The following SOX6 variants were observed in gnomAD, a reference collection of about 807,000 sequenced individuals.
SOX6 encodes transcription factor SOX-6.
Under a neutral mutation model 97.8 loss-of-function variants are expected in SOX6, and 11 were observed. The ratio of observed to expected loss-of-function variants is 0.11; its 90% confidence interval spans 0.07 to 0.19. The LOEUF (loss-of-function observed/expected upper bound fraction) is 0.19. Among genes scored for constraint, SOX6 ranks in the 10% least tolerant of loss-of-function variants. The pLI is 1.00. For synonymous variants in SOX6, 360 were observed against 371.4 expected, an observed-to-expected ratio of 0.97 and a Z score of 0.35; for missense variants, 810 against 1,039.5, an observed-to-expected ratio of 0.78 and a Z score of 3.04.
At chr11:16,708,265 C>T (rs1848152084) in intron 3 of SOX6, among the ~76,000 whole-genome samples, 1 of 152,060 alleles carries the variant, frequency 6.6e-6, no homozygotes. Context: ...GCAGAAAATT[C>T]AGATTTTTGC....
At chr11:16,119,334 C>T (rs866018552) in intron 6 of SOX6, among the ~76,000 whole-genome samples, 1 of 152,138 alleles carries the variant, frequency 6.6e-6, no homozygotes, top group Non-Finnish European at 1.5e-5. Flanking sequence ...AACAGAAACC[C>T]TTTTAGTCTC....
At chr11:16,612,613 A>C (rs1848412330) in intron 3 of SOX6, among the ~76,000 whole-genome samples, 2 of 152,084 alleles carry the variant, frequency 1.3e-5, no homozygotes, top group South Asian at 2.1e-4. Flanking sequence ...GATGGCGATG[A>C]AGAAAAGGAG....
intron 4 of SOX6, among the ~76,000 whole-genome samples, chr11:16,603,986 G>A (rs1427419503): frequency 6.6e-6 from 1 of 152,228 alleles, no homozygotes; most frequent in African/African-American, 2.4e-5. Context: ...CCTCGGGGAC[G>A]AGGTGCTGAG....
intron 4 of SOX6, among the ~76,000 whole-genome samples, chr11:16,232,678 C>T (rs1279066255): frequency 1.3e-5 from 2 of 152,046 alleles, no homozygotes; most frequent in African/African-American, 4.8e-5. Flanking sequence ...TTTCACATTA[C>T]TAAGAGAAAG....
At chr11:16,335,032 A>G (rs550949691) in intron 2 of SOX6, among the ~76,000 whole-genome samples, 17 of 152,312 alleles carry the variant, frequency 1.1e-4, no homozygotes, top group African/African-American at 3.6e-4. Flanking sequence ...TGTCTATTTC[A>G]CTACCCACAG....
chr11:16,384,971 T>C (rs1857936407), intron 1 of SOX6, among the ~76,000 whole-genome samples: 1 of 152,036 alleles, frequency 6.6e-6, no homozygotes, highest in African/African-American at 2.4e-5. Flanking sequence ...TTTCCAGAAA[T>C]AGAAATCATT....
At chr11:16,100,990 T>A in intron 7 of SOX6, among the ~76,000 whole-genome samples, 1 of 151,536 alleles carries the variant, frequency 6.6e-6, no homozygotes, top group South Asian at 2.1e-4. Flanking sequence ...CCAGCCTCCA[T>A]AACAGAAGAA....
At chr11:16,019,698 T>C (rs768159441) in intron 12 of SOX6, among the ~76,000 whole-genome samples, 2 of 152,112 alleles carry the variant, frequency 1.3e-5, no homozygotes, top group Non-Finnish European at 2.9e-5. Flanking sequence ...AATAAGGATT[T>C]TGTTGTTGCA....
chr11:16,639,176 T>C (rs1407980824), intron 3 of SOX6, among the ~76,000 whole-genome samples: 3 of 152,238 alleles, frequency 2.0e-5, no homozygotes, highest in African/African-American at 7.2e-5. Context: ...TAGGGAATCC[T>C]TTCCCCATTT....
intron 4 of SOX6, among the ~76,000 whole-genome samples, chr11:16,592,799 A>G (rs1013760847): frequency 6.6e-6 from 1 of 152,174 alleles, no homozygotes; most frequent in Non-Finnish European, 1.5e-5. Flanking sequence ...GTACTAAGAA[A>G]ATGCAAAAGA....
rs573066816 is a variant in SOX6 at position 16,643,211 on chromosome 11, G to A, written n.430-30951C>T. The stretch of plus-strand genomic sequence containing the variant: ...CCCTGTTGGCCTGGGTGTCAGCAGC[G>A]GAGGCTGCAGAACAGCGAAGATTGG... On this transcript the variant is annotated intron_variant and non_coding_transcript_variant, in intron 3 of 5. Coordinates refer to the SOX6 transcript ENST00000524520. Among the ~76,000 whole-genome samples, 37 of 152,312 alleles carry A rather than the reference G, an allele frequency of 2.4e-4. No homozygotes were observed. In the South Asian group the frequency reaches 4.4e-3, roughly 18 times the overall value.
intron 1 of SOX6, chr11:16,382,439 C>T (rs1403925549): frequency 6.6e-6 from 1 of 152,004 alleles, no homozygotes; most frequent in Non-Finnish European, 1.5e-5. Flanking sequence ...CTTTGTCTTG[C>T]ACATGCACAC....
intron 4 of SOX6, among the ~76,000 whole-genome samples, chr11:16,586,666 G>T (rs182129242): frequency 3.9e-4 from 60 of 152,264 alleles, no homozygotes; most frequent in Admixed American, 1.0e-3. Context: ...AATGCAGTGA[G>T]CTGTAATCAC....
At chr11:16,196,157 T>C (rs1029966808) in intron 4 of SOX6, among the ~76,000 whole-genome samples, 2 of 152,214 alleles carry the variant, frequency 1.3e-5, no homozygotes, top group Non-Finnish European at 2.9e-5. Flanking sequence ...AAAAGCTTTA[T>C]ATATTAAGTC....
Position 16,321,664 on chromosome 11 carries a change from G to A in SOX6, c.238-3011C>T, listed in dbSNP as rs542086148. 6.6e-5 allele frequency among the ~76,000 whole-genome samples: 10 copies of A among 152,094 alleles called. No homozygotes were observed. The South Asian group carries it at 2.1e-3, about 32-fold the overall frequency. On this transcript the variant is annotated intron_variant, in intron 2 of 15. Transcript: ENST00000683767. ...CACTGTTCTTAGCCCCATAATCTGT[G>A]CAAAGTGGCTCAACACTACCAAGCA...
In SOX6 at chr11:15,967,731, A is replaced by G. The variant is rs549771000; in HGVS notation, c.*5078T>C. ...AGTTAAATATTTGCACATTCCCCATACTCCAAGAGCACCAGCACTGAGGCC... is the reference window on the plus strand; with the variant it reads ...AGTTAAATATTTGCACATTCCCCATGCTCCAAGAGCACCAGCACTGAGGCC... On this transcript the variant is annotated 3_prime_UTR_variant, in exon 16 of 16. Coordinates refer to ENST00000683767, the MANE Select transcript of SOX6 (RefSeq NM_001367873.1). 1 of 152,260 alleles carries G rather than the reference A, an allele frequency of 6.6e-6. No individual in the cohort carries two copies. The highest frequency in any genetic ancestry group is 2.1e-4 in the South Asian group (1 of 4,810). The allele number at this position is 152,260 out of a possible 1,614,324, so 9.4% of individuals were successfully genotyped here.
chr11:16,331,365 T>C (rs982957065), intron 2 of SOX6, among the ~76,000 whole-genome samples: 3 of 152,160 alleles, frequency 2.0e-5, no homozygotes, highest in Non-Finnish European at 4.4e-5. Flanking sequence ...TTAAGTCCTT[T>C]CAAGGCCCAG....
chr11:16,500,717 A>C (rs1860691570), intron 4 of SOX6, among the ~76,000 whole-genome samples: 2 of 152,220 alleles, frequency 1.3e-5, no homozygotes, highest in South Asian at 4.1e-4. Flanking sequence ...CAATTGCTTC[A>C]AAGAGAATGA....
chr11:16,701,727 G>A (rs1848095359), intron 3 of SOX6, among the ~76,000 whole-genome samples: 2 of 145,708 alleles, frequency 1.4e-5, no homozygotes, highest in African/African-American at 5.0e-5. Flanking sequence ...GTGGTGGCCG[G>A]CGCCTGTAGT....
Sources: gnomAD v4.1 joint callset for allele counts (sites outside exome capture counted in the v4.1 genomes callset) on GRCh38, gnomAD v4.1.1 for gene constraint, MANE v1.5 for transcripts, NCBI Gene and HGNC (gene_info 2026-07-23, HGNC 2026-07-21) for gene names.